The following TUFT1 variants were observed in gnomAD, a reference collection of about 807,000 sequenced individuals.
The protein encoded by TUFT1 is tuftelin 1.
Under a neutral mutation model 57.8 loss-of-function variants are expected in TUFT1, and 43 were observed. The ratio of observed to expected loss-of-function variants is 0.74; its 90% CI spans 0.58 to 0.96. The LOEUF (loss-of-function observed/expected upper bound fraction) is 0.96, where lower values mean the gene tolerates loss of function less well. TUFT1 is among the 40% of genes least tolerant of loss of function. TUFT1 has a pLI of 0.00. For synonymous variants in TUFT1, 166 were observed against 176.7 expected, an observed-to-expected ratio of 0.94 and a Z score of 0.48; for missense variants, 459 against 489.0, an observed-to-expected ratio of 0.94 and a Z score of 0.58.
rs1666629272 is a variant in TUFT1, at chr1:151,580,967, A to G, written c.1034A>G (p.Glu345Gly). The G allele has an allele frequency of 6.2e-7, 1 of 1,614,068 alleles. No homozygotes were observed. Among genetic ancestry groups the G allele is most frequent in the African/African-American group, 1.3e-5 (1 of 74,926 alleles). Reference sequence around the variant, plus strand: ...AATTTAGAGATGCATGACCGGATGGAACACCTGATAGAAAAACAAATCAGT... The same window carrying G: ...AATTTAGAGATGCATGACCGGATGGGACACCTGATAGAAAAACAAATCAGT... ...AENLEMHDRM[E>G]HLIEKQISHG... Residue 345 changes from glutamate to glycine, a missense_variant, in exon 12 of 13, where the codon GAA becomes GGA. Coordinates refer to ENST00000368849, the MANE Select transcript of TUFT1 (RefSeq NM_020127.3).
At chr1:151,566,931 T>C (rs899617512) in intron 6 of TUFT1, among the ~76,000 whole-genome samples, 1 of 152,166 alleles carries the variant, frequency 6.6e-6, no homozygotes, top group African/African-American at 2.4e-5. Context: ...GATTGATTGA[T>C]TGACTGACTG....
At chr1:151,567,876 T>C (rs1359579176) in intron 6 of TUFT1, among the ~76,000 whole-genome samples, 1 of 152,232 alleles carries the variant, frequency 6.6e-6, no homozygotes, top group African/African-American at 2.4e-5. Context: ...AAGTGTGTTA[T>C]TATGTTTTTT....
At chr1:151,546,003 C>CTTTTTTTTT (rs34362343) in intron 1 of TUFT1, 3 of 200,404 alleles carry the variant, frequency 1.5e-5, no homozygotes, top group African/African-American at 2.8e-5. Flanking sequence ...GCATTTTTTT[C>CTTTTTTTTT]TTTTTTTTTT....
intron 3 of TUFT1, among the ~76,000 whole-genome samples, 157 bp from the exon 4 acceptor site, chr1:151,563,747 T>C (rs1665971971): frequency 6.6e-6 from 1 of 152,182 alleles, no homozygotes; most frequent in African/African-American, 2.4e-5. Flanking sequence ...GACCAAAAAG[T>C]AAATATATTT....
chr1:151,546,561 G>A (rs1017874769), intron 1 of TUFT1, among the ~76,000 whole-genome samples: 2 of 152,016 alleles, frequency 1.3e-5, no homozygotes, highest in African/African-American at 2.4e-5. Flanking sequence ...GCAGCCACCA[G>A]TCTACTTTTT....
chr1:151,562,700 A>T lies in TUFT1; in HGVS notation c.237+14A>T. On this transcript the variant is annotated intron_variant, in intron 3 of 12. Transcript: ENST00000368849. Reference sequence around the variant, plus strand: ...GAGATCATTAAGGTAAGCTTAGTTCACCTCCAACTTTTCTCCCTGTCCTCT... The same window carrying T: ...GAGATCATTAAGGTAAGCTTAGTTCTCCTCCAACTTTTCTCCCTGTCCTCT... 11 of 1,606,364 alleles carry T rather than the reference A, an allele frequency of 6.8e-6. No homozygotes were observed. The highest frequency in any genetic ancestry group is 9.4e-6 in the Non-Finnish European group (11 of 1,174,024).
chr1:151,581,912 A>T lies in TUFT1; in HGVS notation c.*205A>T. On this transcript the variant is annotated 3_prime_UTR_variant, in exon 13 of 13. Transcript: ENST00000368849. ...CACGAGCACCTATTCAAGGCACTGC[A>T]GCCCTTTGGAAGACATTGTCCTGCA... 1 of 628,974 alleles carries T rather than the reference A, an allele frequency of 1.6e-6. No homozygotes were observed. The highest frequency in any genetic ancestry group is 2.9e-6 in the Non-Finnish European group (1 of 349,960). The allele number at this position is 628,974 out of a possible 1,614,324, so 39.0% of individuals were successfully genotyped here.
chr1:151,570,582 G>C (rs531172270), intron 7 of TUFT1, among the ~76,000 whole-genome samples: 1 of 152,130 alleles, frequency 6.6e-6, no homozygotes, highest in South Asian at 2.1e-4. Context: ...GCCCGGCCTG[G>C]AATGAGTATA....
Position 151,575,006 on chromosome 1 carries a change from G to A in TUFT1, c.818+1G>A, listed in dbSNP as rs1300491751. 3.2e-6 allele frequency: 5 copies of A among 1,557,038 alleles called. No homozygotes were observed. The highest frequency in any genetic ancestry group is 4.3e-6 in the Non-Finnish European group (5 of 1,149,894). ...CTGACTGCCAAGCAGAACGAGAAAA[G>A]TAAGGGCTTGGCTCTTGTTCACGGT... On this transcript the variant is annotated splice_donor_variant, in intron 9 of 12. Transcript: ENST00000368849. LOFTEE classifies it high-confidence loss of function.
Position 151,580,963 on chromosome 1 carries a change from A to G in TUFT1, c.1030A>G (p.Met344Val), listed in dbSNP as rs774041226. Residue 344 changes from methionine to valine, a missense_variant, in exon 12 of 13, where the codon ATG (methionine) becomes GTG (valine). Physicochemically the swap from Met to Val is conservative, Grantham distance 21. Coordinates refer to ENST00000368849, the MANE Select transcript of TUFT1 (RefSeq NM_020127.3). ...ACAGAATTTAGAGATGCATGACCGG[A>G]TGGAACACCTGATAGAAAAACAAAT... ...EAENLEMHDR[M>V]EHLIEKQISH... is the part of the protein sequence containing the mutation. The G allele has an allele frequency of 1.2e-6, 2 of 1,614,198 alleles. No homozygotes were observed. Among genetic ancestry groups the G allele is most frequent in the Non-Finnish European group, 1.7e-6 (2 of 1,180,034 alleles).
chr1:151,578,458 C>T (rs758808656), intron 9 of TUFT1, among the ~76,000 whole-genome samples: 1 of 152,144 alleles, frequency 6.6e-6, no homozygotes. Context: ...TACAGGCACA[C>T]GCCACCACAC....
chr1:151,555,234 TAGG>T (rs778887430), intron 1 of TUFT1, among the ~76,000 whole-genome samples: 110 of 149,476 alleles, frequency 7.4e-4, no homozygotes, highest in Non-Finnish European at 1.4e-3. Flanking sequence ...GAGGCTGAGG[TAGG>T]AGGATTGCTT....
At chr1:151,542,331 C>T (rs1236316884) in intron 1 of TUFT1, among the ~76,000 whole-genome samples, 1 of 152,050 alleles carries the variant, frequency 6.6e-6, no homozygotes, top group Non-Finnish European at 1.5e-5. Context: ...GTAGATCCTC[C>T]TACCTCAGTC....
chr1:151,542,183 A>G (rs539873660), intron 1 of TUFT1, among the ~76,000 whole-genome samples: 2 of 152,104 alleles, frequency 1.3e-5, no homozygotes, highest in East Asian at 3.9e-4. Flanking sequence ...ATTAACCTCT[A>G]CTATTTTTTT....
chr1:151,578,701 C>A lies in TUFT1; in HGVS notation c.819-20C>A. On this transcript the variant is annotated intron_variant, in intron 9 of 12. Transcript: ENST00000368849. ...AGTGATCTTGTTCCATTGCCTCAGC[C>A]TTCTGGTCTTTATCCCCAGGGCTGC... 1 of 1,543,194 alleles carries A rather than the reference C, an allele frequency of 6.5e-7. No homozygotes were observed. Among genetic ancestry groups the A allele is most frequent in the South Asian group, 1.2e-5 (1 of 83,870 alleles).
chr1:151,543,973 T>G (rs544894159), intron 1 of TUFT1, among the ~76,000 whole-genome samples: 1 of 135,666 alleles, frequency 7.4e-6, no homozygotes, highest in East Asian at 2.3e-4. Flanking sequence ...TTTCCATCCT[T>G]CTTTAAATCA....
chr1:151,552,668 C>T (rs1229696369), intron 1 of TUFT1, among the ~76,000 whole-genome samples: 1 of 131,774 alleles, frequency 7.6e-6, no homozygotes, highest in Non-Finnish European at 1.5e-5. Flanking sequence ...CGTGCCACTG[C>T]ACTCCAGCCT....
At chr1:151,562,068 G>A in intron 1 of TUFT1, 23 bp from the exon 2 acceptor site, 1 of 1,612,244 alleles carries the variant, frequency 6.2e-7, no homozygotes. Flanking sequence ...AGGGGTTATT[G>A]TTGCTGTCAT....
At chr1:151,569,570 A>T (rs1244597543) in intron 6 of TUFT1, 87 bp from the exon 7 acceptor site, 10 of 1,090,122 alleles carry the variant, frequency 9.2e-6, no homozygotes, top group Non-Finnish European at 1.4e-5. Flanking sequence ...AGATGGTCCA[A>T]ACCAGTGTGT....
Sources: gnomAD v4.1 joint callset for allele counts (sites outside exome capture counted in the v4.1 genomes callset) on GRCh38, gnomAD v4.1.1 for gene constraint, MANE v1.5 for transcripts, NCBI Gene and HGNC (gene_info 2026-07-23, HGNC 2026-07-21) for gene names.